Variants in APOBEC2 observed in about 807,000 individuals in gnomAD.
APOBEC2 encodes the protein C->U-editing enzyme APOBEC-2.
APOBEC2 carries 14 observed loss-of-function variants against 19.4 expected under a neutral mutation model. The ratio of observed to expected loss-of-function variants is 0.72; its 90% CI spans 0.48 to 1.13. The LOEUF (loss-of-function observed/expected upper bound fraction) is 1.13, where lower values mean the gene tolerates loss of function less well. Ranked by LOEUF, APOBEC2 falls within the 50% of genes most tolerant of loss-of-function variation. The probability of loss-of-function intolerance (pLI) is 0.00; values close to 1 mark genes in which losing one functional copy is unlikely to be tolerated. For synonymous variants in APOBEC2, 127 were observed against 112.1 expected, an observed-to-expected ratio of 1.13 and a Z score of -0.84; for missense variants, 304 against 277.0, an observed-to-expected ratio of 1.10 and a Z score of -0.69.
Position 41,064,868 on chromosome 6 carries a change from A to C in APOBEC2, c.*789A>C, listed in dbSNP as rs1207157806. ...ATACAATCATTTAAAAGTATTCAAT[A>C]CATGGTGTTTGATGGTAATGGCAGG... is the stretch of plus-strand genomic sequence containing the variant. On this transcript the variant is annotated 3_prime_UTR_variant, in exon 3 of 3. Transcript: ENST00000244669. 6.6e-6 allele frequency: 1 copy of C among 151,990 alleles called. No individual in the cohort carries two copies. The highest frequency in any genetic ancestry group is 1.5e-5 in the Non-Finnish European group (1 of 68,012). The allele number at this position is 151,990 out of a possible 1,614,324, so 9.4% of individuals were successfully genotyped here.
intron 1 of APOBEC2, among the ~76,000 whole-genome samples, chr6:41,057,613 T>C (rs932563168): frequency 6.6e-6 from 1 of 152,022 alleles, no homozygotes; most frequent in African/African-American, 2.4e-5. Flanking sequence ...AAACCAGCAA[T>C]CCTCCCTCTT....
chr6:41,062,308 T>C (rs1356575967), intron 2 of APOBEC2, among the ~76,000 whole-genome samples: 2 of 152,246 alleles, frequency 1.3e-5, no homozygotes, highest in Non-Finnish European at 2.9e-5. Context: ...CTCACTCCCA[T>C]ATCCACTGGC....
intron 1 of APOBEC2, 129 bp downstream of exon 1, chr6:41,053,607 C>A: frequency 7.1e-7 from 1 of 1,399,626 alleles, no homozygotes; most frequent in Non-Finnish European, 9.6e-7. Context: ...GAGAGTGCAC[C>A]AGTGGGCCCG....
intron 1 of APOBEC2, among the ~76,000 whole-genome samples, chr6:41,058,399 CCACACACACA>C (rs3049087): frequency 2.8e-5 from 4 of 142,600 alleles, no homozygotes; most frequent in South Asian, 2.3e-4. Context: ...CACCACCCCA[CCACACACACA>C]CACACACACA....
At chr6:41,058,028 G>A (rs1004551561) in intron 1 of APOBEC2, among the ~76,000 whole-genome samples, 1 of 152,082 alleles carries the variant, frequency 6.6e-6, no homozygotes, top group African/African-American at 2.4e-5. Flanking sequence ...GCTATCAGAG[G>A]CTGGGGAGAG....
chr6:41,062,308 T>A (rs1356575967), intron 2 of APOBEC2, among the ~76,000 whole-genome samples: 4 of 152,246 alleles, frequency 2.6e-5, no homozygotes, highest in Admixed American at 2.6e-4. Flanking sequence ...CTCACTCCCA[T>A]ATCCACTGGC....
At chr6:41,059,352 C>A (rs1204046150) in intron 1 of APOBEC2, among the ~76,000 whole-genome samples, 1 of 152,126 alleles carries the variant, frequency 6.6e-6, no homozygotes, top group Non-Finnish European at 1.5e-5. Flanking sequence ...CAAGTTTGGG[C>A]AGGAACGGTA....
intron 2 of APOBEC2, among the ~76,000 whole-genome samples, chr6:41,063,143 C>T (rs1315589226): frequency 6.6e-6 from 1 of 152,184 alleles, no homozygotes; most frequent in African/African-American, 2.4e-5. Flanking sequence ...TAGACATGCA[C>T]ATGGGCACCT....
intron 1 of APOBEC2, among the ~76,000 whole-genome samples, chr6:41,058,361 C>T (rs1380193272): frequency 1.4e-5 from 2 of 148,058 alleles, no homozygotes; most frequent in African/African-American, 5.0e-5. Context: ...CTACTACCAG[C>T]ATCTCTCTAC....
At chr6:41,060,309 A>G (rs1762855184) in intron 1 of APOBEC2, among the ~76,000 whole-genome samples, 1 of 152,192 alleles carries the variant, frequency 6.6e-6, no homozygotes, top group Non-Finnish European at 1.5e-5. Flanking sequence ...GCTTCACACT[A>G]TCTGCCTATT....
In APOBEC2 at chr6:41,061,650, G is replaced by A. The variant is rs1188630196; in HGVS notation, c.454G>A (p.Gly152Ser). 1.2e-6 allele frequency: 2 copies of A among 1,614,228 alleles called. No individual in the cohort carries two copies. Among genetic ancestry groups the A allele is most frequent in the Non-Finnish European group, 8.5e-7 (1 of 1,180,040 alleles). Residue 152 changes from glycine to serine, a missense_variant, in exon 2 of 3, where the codon GGT becomes AGT. Coordinates refer to ENST00000244669, the MANE Select transcript of APOBEC2 (RefSeq NM_006789.4). ...TKNLRLLILV[G>S]RLFMWEEPEI... The stretch of plus-strand genomic sequence containing the variant: ...GAACCTGCGTCTGCTCATTCTGGTG[G>A]GTCGACTCTTCATGTGGGAGGAGCC...
chr6:41,056,124 T>TC (rs903804577), intron 1 of APOBEC2, among the ~76,000 whole-genome samples: 1 of 152,238 alleles, frequency 6.6e-6, no homozygotes, highest in Non-Finnish European at 1.5e-5. Flanking sequence ...ATTTCCTTTT[T>TC]CTTTTTTGGA....
chr6:41,060,987 A>G (rs556527228), intron 1 of APOBEC2, among the ~76,000 whole-genome samples: 1 of 152,302 alleles, frequency 6.6e-6, no homozygotes, highest in East Asian at 1.9e-4. Flanking sequence ...TCAGTCTTCT[A>G]GGTGATTCTA....
At position 41,053,262 on chromosome 6, in the gene APOBEC2, C is replaced by A; in HGVS notation, c.-86C>A. The A allele has an allele frequency of 6.6e-7, 1 of 1,511,682 alleles. No homozygotes were observed. Among genetic ancestry groups the A allele is most frequent in the Non-Finnish European group, 8.8e-7 (1 of 1,130,864 alleles). The allele number at this position is 1,511,682 out of a possible 1,614,324, so 93.6% of individuals were successfully genotyped here. ...CCCAGCCAGATTTAGCTGCTGACAG[C>A]TGCTTGGGACTCTGCCGCCAGGGCC... On this transcript the variant is annotated 5_prime_UTR_variant, in exon 1 of 3. In the 5' UTR this introduces an upstream ATG that the reference lacks. Coordinates refer to ENST00000244669, the MANE Select transcript of APOBEC2 (RefSeq NM_006789.4).
rs189041693 is a variant in APOBEC2, at chr6:41,058,567, C to A, written c.132-2761C>A. ...GGTGATGATTTAACAAGTTAGGTGT[C>A]ATTATTTCCTTCCTTCCACTAGTGG... On this transcript the variant is annotated intron_variant, in intron 1 of 2. Coordinates refer to ENST00000244669, the MANE Select transcript of APOBEC2 (RefSeq NM_006789.4). Among the ~76,000 whole-genome samples, 248 of 152,280 alleles carry A rather than the reference C, an allele frequency of 1.6e-3. 1 individual carries two copies. Among genetic ancestry groups the A allele is most frequent in the East Asian group, 4.6e-3 (24 of 5,186 alleles).
chr6:41,057,070 T>C (rs1028979222), intron 1 of APOBEC2, among the ~76,000 whole-genome samples: 2 of 152,202 alleles, frequency 1.3e-5, no homozygotes, highest in Admixed American at 1.3e-4. Context: ...TATATGTTTT[T>C]ACAGAAAGCA....
chr6:41,056,089 A>G (rs752713445), intron 1 of APOBEC2, among the ~76,000 whole-genome samples: 2 of 152,208 alleles, frequency 1.3e-5, no homozygotes, highest in African/African-American at 4.8e-5. Context: ...AGGCCTGGAG[A>G]AGGCATCATA....
chr6:41,063,200 T>C (rs940679562), intron 2 of APOBEC2, among the ~76,000 whole-genome samples: 5 of 152,300 alleles, frequency 3.3e-5, no homozygotes, highest in Non-Finnish European at 7.4e-5. Context: ...GATACAACTT[T>C]CAGCCATTTC....
intron 2 of APOBEC2, among the ~76,000 whole-genome samples, chr6:41,063,416 A>C (rs896583934): frequency 1.3e-5 from 2 of 152,176 alleles, no homozygotes; most frequent in Admixed American, 1.3e-4. Flanking sequence ...CTGTAATTAT[A>C]AACCCAACAT....
Sources: gnomAD v4.1 joint callset for allele counts (sites outside exome capture counted in the v4.1 genomes callset) on GRCh38, gnomAD v4.1.1 for gene constraint, MANE v1.5 for transcripts, NCBI Gene and HGNC (gene_info 2026-07-23, HGNC 2026-07-21) for gene names.